The following TGM4 variants were observed in gnomAD, a reference collection of about 807,000 sequenced individuals.
The protein encoded by TGM4 is transglutaminase 4.
TGM4 carries 61 observed loss-of-function variants against 76.3 expected under a neutral mutation model. The ratio of observed to expected loss-of-function variants is 0.80; its 90% CI spans 0.65 to 0.99. TGM4 has a LOEUF of 0.99. Among genes scored for constraint, TGM4 ranks in the 50% least tolerant of loss-of-function variants. The pLI is 0.00. For synonymous variants in TGM4, 337 were observed against 329.8 expected (o/e 1.02, Z -0.24); for missense variants, 794 against 843.2 (o/e 0.94, Z 0.72).
At chr3:44,893,223 T>C (rs1466072705) in intron 4 of TGM4, among the ~76,000 whole-genome samples, 3 of 152,198 alleles carry the variant, frequency 2.0e-5, no homozygotes, top group Admixed American at 6.5e-5. Flanking sequence ...CATGTTTACC[T>C]GCTAGCCCCT....
chr3:44,883,913 T>G (rs535828602), intron 1 of TGM4, among the ~76,000 whole-genome samples: 3 of 152,328 alleles, frequency 2.0e-5, no homozygotes, highest in Admixed American at 2.0e-4. Context: ...GGGTTTCCTC[T>G]GTGGGTGAGC....
chr3:44,909,522 C>A (rs1699971368), intron 10 of TGM4, among the ~76,000 whole-genome samples: 1 of 152,184 alleles, frequency 6.6e-6, no homozygotes, highest in Non-Finnish European at 1.5e-5. Context: ...AAGACAAACT[C>A]TGTGAATGAG....
intron 9 of TGM4, among the ~76,000 whole-genome samples, chr3:44,904,957 C>T (rs1484271326): frequency 6.6e-6 from 1 of 151,852 alleles, no homozygotes; most frequent in Non-Finnish European, 1.5e-5. Flanking sequence ...GTTGGGATTA[C>T]AGGCATGAGC....
At chr3:44,894,440 C>CAAGCACTGTTACAAGG (rs1247511079) in intron 5 of TGM4, among the ~76,000 whole-genome samples, 118 of 132,728 alleles carry the variant, frequency 8.9e-4, no homozygotes, top group African/African-American at 3.2e-3. Flanking sequence ...ACCAAAGAAC[C>CAAGCACTGTTACAAGG]AAGCACTGTT....
intron 2 of TGM4, 71 bp from the exon 3 acceptor site, chr3:44,887,618 G>C: frequency 3.5e-6 from 5 of 1,441,030 alleles, no homozygotes; most frequent in Non-Finnish European, 4.8e-6. Context: ...CAGTAGGTGG[G>C]CCCGAACCAG....
intron 9 of TGM4, among the ~76,000 whole-genome samples, chr3:44,906,748 G>A (rs1037768780): frequency 1.3e-5 from 2 of 152,206 alleles, no homozygotes; most frequent in Admixed American, 6.5e-5. Flanking sequence ...GAGGATTCCT[G>A]ACACTCTTCA....
chr3:44,893,732 A>G (rs373886086), intron 5 of TGM4, 37 bp downstream of exon 5: 3 of 1,567,280 alleles, frequency 1.9e-6, no homozygotes, highest in Non-Finnish European at 2.6e-6. Context: ...ACCAGGCCCC[A>G]TCTGCTAGAC....
At chr3:44,901,752 GC>G in intron 7 of TGM4, 40 bp from the exon 8 acceptor site, 8 of 1,612,994 alleles carry the variant, frequency 5.0e-6, no homozygotes, top group Non-Finnish European at 5.9e-6. Flanking sequence ...GGGACTCCCA[GC>G]CCCCACAGTT....
At chr3:44,898,647 A>G (rs1215496370) in intron 6 of TGM4, among the ~76,000 whole-genome samples, 1 of 152,172 alleles carries the variant, frequency 6.6e-6, no homozygotes, top group Non-Finnish European at 1.5e-5. Context: ...CTGTGAGCTG[A>G]ACTGCTGCGA....
Position 44,901,715 on chromosome 3 carries a change from G to C in TGM4, c.832+17G>C, listed in dbSNP as rs1222133537. The C allele has an allele frequency of 6.2e-7, 1 of 1,612,746 alleles. No homozygotes were observed. The highest frequency in any genetic ancestry group is 1.3e-5 in the African/African-American group (1 of 74,906). ...TGACTACAGGTAAGTGGCAGATCCA[G>C]GGGCTGAGGGGAGAGGTCCCAAGGG... is the stretch of plus-strand genomic sequence containing the variant. On this transcript the variant is annotated intron_variant, in intron 7 of 13. Coordinates refer to ENST00000296125, the MANE Select transcript of TGM4 (RefSeq NM_003241.4).
At position 44,913,943 on chromosome 3, in the gene TGM4, G is replaced by A. The variant is rs116731766; in HGVS notation, c.*218G>A. 1,693 of 500,422 alleles carry A rather than the reference G, an allele frequency of 3.4e-3. 23 individuals carry two copies. Among genetic ancestry groups the A allele is most frequent in the African/African-American group, 0.029 (1,477 of 50,950 alleles). The allele number at this position is 500,422 out of a possible 1,614,324, so 31.0% of individuals were successfully genotyped here. On this transcript the variant is annotated 3_prime_UTR_variant, in exon 14 of 14. Coordinates refer to ENST00000296125, the MANE Select transcript of TGM4 (RefSeq NM_003241.4). ...TCTTTTACAGTTAGAAACACCAGCC[G>A]AGGCCACAGAATCCCATCCCTTTCC...
At chr3:44,898,206 G>A (rs960326535) in intron 6 of TGM4, among the ~76,000 whole-genome samples, 3 of 150,866 alleles carry the variant, frequency 2.0e-5, no homozygotes, top group Non-Finnish European at 2.9e-5. Context: ...ACTTGAACCC[G>A]AGAGGCAGAG....
chr3:44,886,806 A>G (rs1464750113), intron 2 of TGM4, among the ~76,000 whole-genome samples: 2 of 152,382 alleles, frequency 1.3e-5, no homozygotes, highest in East Asian at 3.9e-4. Flanking sequence ...AGAGAGCAGT[A>G]AACAAACAAA....
intron 8 of TGM4, among the ~76,000 whole-genome samples, chr3:44,902,272 C>A (rs1022973966): frequency 1.3e-5 from 2 of 152,180 alleles, no homozygotes; most frequent in Non-Finnish European, 2.9e-5. Context: ...TGGCCTTGGA[C>A]AATCTGTGCT....
chr3:44,886,673 C>T (rs1699612337), intron 2 of TGM4, among the ~76,000 whole-genome samples: 1 of 152,196 alleles, frequency 6.6e-6, no homozygotes, highest in Admixed American at 6.5e-5. Context: ...TTGCACTGAG[C>T]ACTCTCCATG....
intron 1 of TGM4, among the ~76,000 whole-genome samples, chr3:44,883,668 G>C (rs1213749659): frequency 6.6e-6 from 1 of 152,190 alleles, no homozygotes; most frequent in Non-Finnish European, 1.5e-5. Flanking sequence ...CAGGTTCCCA[G>C]GCCCTGTGCG....
chr3:44,901,373 G>T (rs1283495354), intron 6 of TGM4, 151 bp from the exon 7 acceptor site: 2 of 904,306 alleles, frequency 2.2e-6, no homozygotes, highest in Non-Finnish European at 3.3e-6. Context: ...GGCCCTTCTG[G>T]GCACCCCACC....
chr3:44,901,397 C>G (rs972836853), intron 6 of TGM4, 127 bp from the exon 7 acceptor site: 2 of 1,177,376 alleles, frequency 1.7e-6, no homozygotes, highest in African/African-American at 1.5e-5. Context: ...TCTGGAAAGC[C>G]CACGTCCTCC....
At position 44,893,632 on chromosome 3, in the gene TGM4, C is replaced by T. The variant is rs754791683; in HGVS notation, c.486C>T (p.Asp162=). The T allele has an allele frequency of 6.2e-7, 1 of 1,613,914 alleles. No individual in the cohort carries two copies. Among genetic ancestry groups the T allele is most frequent in the East Asian group, 2.2e-5 (1 of 44,884 alleles). ...EDERKEYILN[D]TGCHYVGAAR... ...AGCGCAAAGAGTACATCCTCAATGACACGGGCTGCCATTACGTGGGGGCTG... is the reference window on the plus strand; with the variant it reads ...AGCGCAAAGAGTACATCCTCAATGATACGGGCTGCCATTACGTGGGGGCTG... The change falls in exon 5 of 14, where the codon GAC becomes GAT. Residue 162 remains aspartate, a synonymous_variant. Transcript: ENST00000296125.
Sources: allele counts gnomAD v4.1 joint callset (sites outside exome capture counted in the v4.1 genomes callset), GRCh38; gene constraint gnomAD v4.1.1; transcripts MANE v1.5; gene names NCBI Gene and HGNC (gene_info 2026-07-23, HGNC 2026-07-21).